The following PCDHA2 variants were observed in gnomAD, a reference collection of about 807,000 sequenced individuals.
The protein encoded by PCDHA2 is protocadherin alpha-2.
Under a neutral mutation model 66.0 loss-of-function variants are expected in PCDHA2, and 58 were observed. The observed-to-expected ratio is 0.88, with a 90% confidence interval of 0.71 to 1.09. PCDHA2 has a LOEUF of 1.09. Among genes scored for constraint, PCDHA2 ranks in the 50% least tolerant of loss-of-function variants. The probability of loss-of-function intolerance (pLI) is 0.00; values close to 1 mark genes in which losing one functional copy is unlikely to be tolerated. For missense variants in PCDHA2, 1,267 were observed against 1,242.3 expected, an observed-to-expected ratio of 1.02 and a Z score of -0.30; for synonymous variants, 634 against 554.0, an observed-to-expected ratio of 1.14 and a Z score of -2.03.
chr5:140,807,180 C>T (rs782006132), intron 1 of PCDHA2: 1 of 1,611,714 alleles, frequency 6.2e-7, no homozygotes, highest in South Asian at 1.1e-5. Context: ...AAATACTGTG[C>T]ACTAAAGATG....
At chr5:140,904,932 T>C in intron 1 of PCDHA2, among the ~76,000 whole-genome samples, 1 of 152,250 alleles carries the variant, frequency 6.6e-6, no homozygotes, top group African/African-American at 2.4e-5. Context: ...TTGTAGGTTC[T>C]GGATATTAGT....
chr5:140,941,347 T>C (rs246069), intron 1 of PCDHA2, among the ~76,000 whole-genome samples: 97,460 of 130,222 alleles, frequency 0.75, 37,726 homozygotes, highest in African/African-American at 0.94. Context: ...GATGGAGTCT[T>C]GCTCTGTTGC....
At chr5:140,936,340 C>T (rs1346812812) in intron 1 of PCDHA2, among the ~76,000 whole-genome samples, 1 of 152,102 alleles carries the variant, frequency 6.6e-6, no homozygotes, top group Non-Finnish European at 1.5e-5. Flanking sequence ...TCTCTATCTG[C>T]ATATATGGAA....
chr5:140,900,233 G>GT (rs1261263702), intron 1 of PCDHA2, among the ~76,000 whole-genome samples: 7 of 151,834 alleles, frequency 4.6e-5, no homozygotes, highest in Non-Finnish European at 7.4e-5. Flanking sequence ...ACTGGATCTT[G>GT]TTTTTTTTAT....
intron 1 of PCDHA2, among the ~76,000 whole-genome samples, chr5:140,934,143 A>T (rs1335256190): frequency 6.6e-6 from 1 of 152,000 alleles, no homozygotes; most frequent in Non-Finnish European, 1.5e-5. Context: ...TTCCTTCCTT[A>T]TATGTTTATA....
At position 140,882,588 on chromosome 5, in the gene PCDHA2, A is replaced by G; in HGVS notation, c.2388+85236A>G. The G allele has an allele frequency of 1.2e-6, 2 of 1,614,186 alleles. No homozygotes were observed. Among genetic ancestry groups the G allele is most frequent in the African/African-American group, 1.3e-5 (1 of 75,040 alleles). ...AGCGCGGAGTGCAGCATCCACCTGG[A>G]GGTGATCGTGGACAGGCCTCTGCAG... On this transcript the variant is annotated intron_variant, in intron 1 of 3. Coordinates refer to ENST00000526136, the MANE Select transcript of PCDHA2 (RefSeq NM_018905.3).
intron 1 of PCDHA2, among the ~76,000 whole-genome samples, chr5:140,903,632 C>T (rs1554191062): frequency 6.6e-6 from 1 of 152,134 alleles, no homozygotes. Context: ...CATATGTATG[C>T]ATATACCATA....
chr5:140,836,921 G>T (rs917250173), intron 1 of PCDHA2: 1 of 539,944 alleles, frequency 1.9e-6, no homozygotes. Context: ...TTTGTTTTGG[G>T]ATGCGTAATA....
chr5:140,985,394 A>C (rs2097150028), intron 3 of PCDHA2, among the ~76,000 whole-genome samples: 1 of 152,084 alleles, frequency 6.6e-6, no homozygotes, highest in South Asian at 2.1e-4. Context: ...AGTCACCCCA[A>C]CTGTTCCCCT....
At chr5:140,902,514 T>C (rs1288692863) in intron 1 of PCDHA2, among the ~76,000 whole-genome samples, 1 of 152,128 alleles carries the variant, frequency 6.6e-6, no homozygotes, top group Non-Finnish European at 1.5e-5. Flanking sequence ...CTGTCATATA[T>C]GGTTTTTATT....
At chr5:140,983,583 CT>C (rs2153831802) in intron 3 of PCDHA2, among the ~76,000 whole-genome samples, 1 of 152,306 alleles carries the variant, frequency 6.6e-6, no homozygotes, top group African/African-American at 2.4e-5. Context: ...TTTATTACAT[CT>C]ATTCTACATA....
At chr5:140,877,633 C>A (rs1366996546) in intron 1 of PCDHA2, 7 of 1,613,622 alleles carry the variant, frequency 4.3e-6, no homozygotes, top group Non-Finnish European at 5.1e-6. Context: ...GTACACTGCG[C>A]TGCGTTGCTC....
At chr5:140,809,626 T>G (rs781990363) in intron 1 of PCDHA2, 36 of 1,508,500 alleles carry the variant, frequency 2.4e-5, no homozygotes, top group Non-Finnish European at 1.5e-5. Flanking sequence ...CTCTATCAAC[T>G]TCTTCGTAAA....
intron 3 of PCDHA2, among the ~76,000 whole-genome samples, chr5:141,005,774 G>A (rs2098239231): frequency 1.4e-5 from 2 of 144,252 alleles, no homozygotes; most frequent in Non-Finnish European, 3.0e-5. Flanking sequence ...AACCAGATGT[G>A]TAAAGATCCT....
At chr5:140,853,918 C>T in intron 1 of PCDHA2, 3 of 938,954 alleles carry the variant, frequency 3.2e-6, no homozygotes, top group Non-Finnish European at 3.9e-6. Flanking sequence ...CCTGCAATCC[C>T]AACATTTTGG....
intron 1 of PCDHA2, among the ~76,000 whole-genome samples, chr5:140,891,848 C>T (rs2063280221): frequency 6.6e-6 from 1 of 152,158 alleles, no homozygotes; most frequent in East Asian, 1.9e-4. Flanking sequence ...ATGGAAGGAG[C>T]CTGTCCCTCT....
chr5:140,917,585 T>C (rs1204000344), intron 1 of PCDHA2, among the ~76,000 whole-genome samples: 1 of 152,244 alleles, frequency 6.6e-6, no homozygotes, highest in Non-Finnish European at 1.5e-5. Context: ...TTTTTGTTCA[T>C]GCTGAAAGGA....
At position 140,805,657 on chromosome 5, in the gene PCDHA2, C is replaced by T. The variant is rs1763614224; in HGVS notation, c.2388+8305C>T. On this transcript the variant is annotated intron_variant, in intron 1 of 3. Coordinates refer to ENST00000526136, the MANE Select transcript of PCDHA2 (RefSeq NM_018905.3). ...TTTATTTATTGGGAAGTCTTCATTC[C>T]CCATTAATACCCAGGATGATTCAAA... 3 of 838,596 alleles carry T rather than the reference C, an allele frequency of 3.6e-6. No homozygotes were observed. The South Asian group carries it at 1.6e-4, about 46-fold the overall frequency. 51.9% of individuals were successfully genotyped at this position (838,596 alleles called of 1,614,324 possible). A position where few individuals can be genotyped will look rare whatever the true frequency, so the allele number is the denominator to read the frequency against.
In PCDHA2 at chr5:140,877,342, G is replaced by A. The variant is rs1462091033; in HGVS notation, c.2388+79990G>A. On this transcript the variant is annotated intron_variant, in intron 1 of 3. Coordinates refer to ENST00000526136, the MANE Select transcript of PCDHA2 (RefSeq NM_018905.3). ...GGTCGGCGCGCACATCCCGTTCCACGTGGGGCTGTACACTGGCGAGATCAG... is the reference window on the plus strand; with the variant it reads ...GGTCGGCGCGCACATCCCGTTCCACATGGGGCTGTACACTGGCGAGATCAG... 5 of 1,613,904 alleles carry A rather than the reference G, an allele frequency of 3.1e-6. No individual in the cohort carries two copies. The African/African-American group carries it at 6.7e-5, about 22-fold the overall frequency.
Sources: gnomAD v4.1 joint callset for allele counts (sites outside exome capture counted in the v4.1 genomes callset) on GRCh38, gnomAD v4.1.1 for gene constraint, MANE v1.5 for transcripts, NCBI Gene and HGNC (gene_info 2026-07-23, HGNC 2026-07-21) for gene names.